The following RGS7 variants were observed in gnomAD, a reference collection of about 807,000 sequenced individuals.
RGS7 encodes regulator of G-protein signaling 7.
A neutral mutation model predicts 81.1 loss-of-function variants in RGS7; 27 were observed. The ratio of observed to expected loss-of-function variants is 0.33; its 90% CI spans 0.25 to 0.46. The LOEUF is 0.46. Among genes scored for constraint, RGS7 ranks in the 20% least tolerant of loss-of-function variants. The pLI, the probability that RGS7 is intolerant of heterozygous loss-of-function variation, is 1.00. For missense variants in RGS7, 396 were observed against 607.4 expected (o/e 0.65, Z 3.66); for synonymous variants, 208 against 207.7 (o/e 1.00, Z -0.01).
intron 2 of RGS7, among the ~76,000 whole-genome samples, chr1:241,332,487 G>A (rs2082026246): frequency 6.6e-6 from 1 of 152,192 alleles, no homozygotes; most frequent in African/African-American, 2.4e-5. Flanking sequence ...ACTTCCTCCT[G>A]AAGATGTGGA....
intron 2 of RGS7, among the ~76,000 whole-genome samples, chr1:241,177,418 A>G (rs4397646): frequency 0.98 from 148,916 of 152,204 alleles, 72,853 homozygotes; most frequent in East Asian, 1. Flanking sequence ...CAGGGATGGC[A>G]TGTACAACAG....
chr1:241,229,580 G>A (rs1258076476), intron 2 of RGS7, among the ~76,000 whole-genome samples: 2 of 152,194 alleles, frequency 1.3e-5, no homozygotes, highest in Non-Finnish European at 2.9e-5. Flanking sequence ...AATATTTGAA[G>A]AGACAGAAAT....
Position 240,776,131 on chromosome 1 carries a change from C to G in RGS7, c.*89G>C, listed in dbSNP as rs369100996. 1.5e-5 allele frequency: 24 copies of G among 1,550,280 alleles called. No homozygotes were observed. Among genetic ancestry groups the G allele is most frequent in the Non-Finnish European group, 2.0e-5 (23 of 1,122,032 alleles). ...GAGCTACAAAGTGTGTGCAGTGACT[C>G]CAGTCTGCATTCATGCTACAAGATG... is the stretch of plus-strand genomic sequence containing the variant. On this transcript the variant is annotated 3_prime_UTR_variant, in exon 19 of 19. Transcript: ENST00000440928.
intron 6 of RGS7, among the ~76,000 whole-genome samples, chr1:240,877,334 A>G (rs951455544): frequency 1.1e-4 from 17 of 149,968 alleles, no homozygotes; most frequent in African/African-American, 3.7e-4. Flanking sequence ...TAAAATATAT[A>G]CAGAAAAAAT....
chr1:241,207,629 G>A (rs1331337647), intron 2 of RGS7, among the ~76,000 whole-genome samples: 1 of 152,022 alleles, frequency 6.6e-6, no homozygotes, highest in African/African-American at 2.4e-5. Flanking sequence ...ATCAAAGAAA[G>A]TTATAATGGA....
rs952507322 is a variant in RGS7, at chr1:241,111,583, C to T, written c.79-12821G>A. Among the ~76,000 whole-genome samples, 4 of 151,792 alleles carry T rather than the reference C, an allele frequency of 2.6e-5. No individual in the cohort carries two copies. In the South Asian group the frequency reaches 6.2e-4, roughly 24 times the overall value. On this transcript the variant is annotated intron_variant, in intron 2 of 18. Coordinates refer to ENST00000440928, the MANE Select transcript of RGS7 (RefSeq NM_001364886.1). ...TTGAGGCCAGGAGTTTGAGACCAGC[C>T]TGGACAACATAGCAAGACCCCCCCT...
At chr1:241,345,450 G>A (rs1248695159) in intron 2 of RGS7, among the ~76,000 whole-genome samples, 2 of 152,092 alleles carry the variant, frequency 1.3e-5, no homozygotes, top group African/African-American at 4.8e-5. Flanking sequence ...AAACTAAAAT[G>A]TAATCATGAA....
At chr1:240,874,190 C>G (rs1020229892) in intron 6 of RGS7, among the ~76,000 whole-genome samples, 5 of 152,110 alleles carry the variant, frequency 3.3e-5, no homozygotes, top group Non-Finnish European at 7.4e-5. Flanking sequence ...TTCTCAACCT[C>G]CAGCATTGTG....
At chr1:241,073,588 A>G (rs1367910741) in intron 3 of RGS7, among the ~76,000 whole-genome samples, 6 of 152,322 alleles carry the variant, frequency 3.9e-5, no homozygotes, top group Non-Finnish European at 7.3e-5. Context: ...CTTTATTGTC[A>G]GTAATGTGGT....
intron 10 of RGS7, chr1:240,822,988 T>C: frequency 1.9e-6 from 1 of 535,116 alleles, no homozygotes; most frequent in East Asian, 3.2e-5. Flanking sequence ...TATTCATCAT[T>C]TTGTTTTTAG....
At chr1:240,923,747 G>A (rs988508368) in intron 6 of RGS7, among the ~76,000 whole-genome samples, 2 of 151,154 alleles carry the variant, frequency 1.3e-5, no homozygotes, top group Non-Finnish European at 2.9e-5. Context: ...TGTCTTAACG[G>A]AATGGATATA....
At chr1:241,259,199 T>C (rs1295422185) in intron 2 of RGS7, among the ~76,000 whole-genome samples, 2 of 152,182 alleles carry the variant, frequency 1.3e-5, no homozygotes, top group Admixed American at 6.5e-5. Flanking sequence ...CAAATATTTA[T>C]CAAGCAGCAA....
intron 3 of RGS7, among the ~76,000 whole-genome samples, chr1:241,013,921 C>T (rs1053519987): frequency 6.6e-6 from 1 of 152,154 alleles, no homozygotes; most frequent in African/African-American, 2.4e-5. Flanking sequence ...ATTAATGGGG[C>T]CTTTCAGTTT....
At chr1:240,850,891 T>C (rs1659981898) in intron 9 of RGS7, among the ~76,000 whole-genome samples, 1 of 152,096 alleles carries the variant, frequency 6.6e-6, no homozygotes, top group Non-Finnish European at 1.5e-5. Context: ...TCATCAATTC[T>C]ATGAAGACTG....
chr1:241,318,095 C>T (rs1435432496), intron 2 of RGS7, among the ~76,000 whole-genome samples: 1 of 152,196 alleles, frequency 6.6e-6, no homozygotes, highest in African/African-American at 2.4e-5. Flanking sequence ...CTACGTGTTA[C>T]AGACATATCC....
intron 3 of RGS7, among the ~76,000 whole-genome samples, chr1:241,080,819 G>A (rs1182223037): frequency 3.9e-5 from 6 of 152,072 alleles, no homozygotes; most frequent in Non-Finnish European, 5.9e-5. Context: ...TCTCTTTTAT[G>A]TCTGAAAGCT....
chr1:241,044,604 A>T (rs56292730), intron 3 of RGS7, among the ~76,000 whole-genome samples: 38,647 of 151,052 alleles, frequency 0.26, 5,132 homozygotes, highest in African/African-American at 0.28. Context: ...AAATTTATTT[A>T]TTTTTTTTGT....
At chr1:240,946,332 G>A (rs1210939714) in intron 4 of RGS7, among the ~76,000 whole-genome samples, 1 of 152,140 alleles carries the variant, frequency 6.6e-6, no homozygotes, top group Non-Finnish European at 1.5e-5. Context: ...GCTGGGCATG[G>A]TGGCTCACAC....
At chr1:240,942,968 G>A (rs910048908) in intron 4 of RGS7, among the ~76,000 whole-genome samples, 6 of 152,014 alleles carry the variant, frequency 3.9e-5, no homozygotes, top group Non-Finnish European at 8.8e-5. Context: ...CTCAACAGTA[G>A]GAGTTAGTAA....
Sources: gnomAD v4.1 joint callset for allele counts (sites outside exome capture counted in the v4.1 genomes callset) on GRCh38, gnomAD v4.1.1 for gene constraint, MANE v1.5 for transcripts, NCBI Gene and HGNC (gene_info 2026-07-23, HGNC 2026-07-21) for gene names.